GPC6: variants seen among roughly 807,000 people sequenced by gnomAD.
GPC6 encodes the protein glypican 6.
Under a neutral mutation model 55.2 loss-of-function variants are expected in GPC6, and 14 were observed. That is an observed-to-expected ratio of 0.25 (90% CI 0.17 to 0.40). The LOEUF (loss-of-function observed/expected upper bound fraction) is 0.40, where lower values mean the gene tolerates loss of function less well. Ranked by LOEUF, GPC6 falls within the 10% of genes least tolerant of loss-of-function variation. The pLI, the probability that GPC6 is intolerant of heterozygous loss-of-function variation, is 1.00. For synonymous variants in GPC6, 278 were observed against 259.6 expected, an observed-to-expected ratio of 1.07 and a Z score of -0.68; for missense variants, 641 against 708.5, an observed-to-expected ratio of 0.90 and a Z score of 1.08.
chr13:93,583,583 A>T (rs1416663256), intron 2 of GPC6, among the ~76,000 whole-genome samples: 2 of 151,920 alleles, frequency 1.3e-5, no homozygotes, highest in Non-Finnish European at 2.9e-5. Flanking sequence ...CACCCAGCTG[A>T]TTTTTATATT....
chr13:94,328,527 G>T lies in GPC6; in HGVS notation c.1152+22404G>T, dbSNP rs140349949. Among the ~76,000 whole-genome samples the T allele has an allele frequency of 3.3e-3, 506 of 152,288 alleles. 10 individuals carry two copies. Among genetic ancestry groups the T allele is most frequent in the Admixed American group, 0.03 (463 of 15,296 alleles). ...CTGTTCTGTCGCTGTCCTGTCGTTG[G>T]TCTCACTCATGGCAGCTGCCGTCTG... On this transcript the variant is annotated intron_variant, in intron 6 of 8. Coordinates refer to ENST00000377047, the MANE Select transcript of GPC6 (RefSeq NM_005708.5).
At chr13:93,980,939 C>T (rs1880776012) in intron 3 of GPC6, among the ~76,000 whole-genome samples, 1 of 152,122 alleles carries the variant, frequency 6.6e-6, no homozygotes, top group African/African-American at 2.4e-5. Context: ...CAAGAATCCC[C>T]ATCTCAGAGC....
At chr13:93,934,669 A>G (rs945893664) in intron 3 of GPC6, among the ~76,000 whole-genome samples, 4 of 151,118 alleles carry the variant, frequency 2.6e-5, no homozygotes, top group African/African-American at 9.9e-5. Flanking sequence ...AATTTCCATC[A>G]TCTGAATGTT....
chr13:94,011,289 TA>T (rs1882235692), intron 3 of GPC6, among the ~76,000 whole-genome samples: 1 of 152,164 alleles, frequency 6.6e-6, no homozygotes, highest in Non-Finnish European at 1.5e-5. Context: ...AATTTACAAA[TA>T]AAACTGGTGT....
chr13:94,167,342 C>T (rs1053690863), intron 4 of GPC6, among the ~76,000 whole-genome samples: 1 of 152,130 alleles, frequency 6.6e-6, no homozygotes, highest in Admixed American at 6.6e-5. Flanking sequence ...GTTAAGGTCC[C>T]TCTGAATGAA....
chr13:94,186,906 G>C (rs778583466), intron 4 of GPC6: 2 of 152,192 alleles, frequency 1.3e-5, no homozygotes, highest in African/African-American at 2.4e-5. Context: ...TGGAACTTAC[G>C]AAGGTTCGAT....
chr13:93,827,508 A>G (rs1479311268), intron 2 of GPC6, among the ~76,000 whole-genome samples: 1 of 152,192 alleles, frequency 6.6e-6, no homozygotes, highest in East Asian at 1.9e-4. Context: ...GCCTTGAGGT[A>G]GCAACATTTG....
At chr13:94,129,970 T>C (rs932169076) in intron 4 of GPC6, among the ~76,000 whole-genome samples, 4 of 152,176 alleles carry the variant, frequency 2.6e-5, no homozygotes, top group African/African-American at 4.8e-5. Flanking sequence ...ATTCATACCA[T>C]TTTGCAGATT....
chr13:93,397,158 G>T (rs1349873210), intron 1 of GPC6, among the ~76,000 whole-genome samples: 1 of 152,028 alleles, frequency 6.6e-6, no homozygotes, highest in Admixed American at 6.6e-5. Flanking sequence ...TTATTTTAAG[G>T]ATTTTGAGTT....
intron 1 of GPC6, among the ~76,000 whole-genome samples, chr13:93,382,144 G>A (rs988897093): frequency 1.2e-4 from 19 of 152,104 alleles, no homozygotes; most frequent in African/African-American, 4.6e-4. Context: ...TGATATTTTT[G>A]ACTAATTCCT....
intron 2 of GPC6, among the ~76,000 whole-genome samples, chr13:93,703,163 C>T (rs1029478747): frequency 4.0e-5 from 6 of 151,612 alleles, no homozygotes; most frequent in Non-Finnish European, 8.8e-5. Flanking sequence ...TATTAATTGG[C>T]CTAATTTTAA....
chr13:93,488,414 G>C (rs1044813390), intron 1 of GPC6, among the ~76,000 whole-genome samples: 1 of 152,178 alleles, frequency 6.6e-6, no homozygotes, highest in East Asian at 1.9e-4. Flanking sequence ...ATTGTGAATA[G>C]TGCTGCAATA....
chr13:94,371,644 C>A (rs777266433), intron 6 of GPC6, among the ~76,000 whole-genome samples: 14 of 152,194 alleles, frequency 9.2e-5, no homozygotes, highest in Non-Finnish European at 1.9e-4. Context: ...CTGCCCTCTG[C>A]TGAACCCAGC....
At chr13:94,396,016 C>G (rs142753652) in intron 7 of GPC6, among the ~76,000 whole-genome samples, 51 of 152,190 alleles carry the variant, frequency 3.4e-4, no homozygotes, top group African/African-American at 1.2e-3. Context: ...CATCCTGCCC[C>G]GGTCCCCTCC....
chr13:94,160,788 C>A lies in GPC6; in HGVS notation c.878-125561C>A, dbSNP rs148479493. ...ATATATGGGACTCAAAATAACTAACCTAGAAGCAAAACAAATTTGTCAATT... is the reference window on the plus strand; with the variant it reads ...ATATATGGGACTCAAAATAACTAACATAGAAGCAAAACAAATTTGTCAATT... On this transcript the variant is annotated intron_variant, in intron 4 of 8. Transcript: ENST00000377047. 8.5e-4 allele frequency among the ~76,000 whole-genome samples: 129 copies of A among 152,252 alleles called. 1 individual carries two copies. In the East Asian group the frequency reaches 0.016, roughly 19 times the overall value.
chr13:93,908,662 C>T (rs1876800887), intron 3 of GPC6, among the ~76,000 whole-genome samples: 1 of 152,176 alleles, frequency 6.6e-6, no homozygotes, highest in Non-Finnish European at 1.5e-5. Flanking sequence ...ACTTACCTAA[C>T]TCATTTTCCT....
chr13:93,376,768 C>T (rs1469204909), intron 1 of GPC6, among the ~76,000 whole-genome samples: 1 of 135,450 alleles, frequency 7.4e-6, no homozygotes, highest in African/African-American at 2.7e-5. Flanking sequence ...TTTACATATT[C>T]TTGCTCACTT....
chr13:94,279,252 A>T (rs1399243162), intron 4 of GPC6, among the ~76,000 whole-genome samples: 1 of 151,530 alleles, frequency 6.6e-6, no homozygotes, highest in African/African-American at 2.4e-5. Context: ...CTCTGATGGT[A>T]GTTTGTATTT....
chr13:93,360,933 A>G (rs1308168704), intron 1 of GPC6, among the ~76,000 whole-genome samples: 2 of 152,058 alleles, frequency 1.3e-5, no homozygotes, highest in Non-Finnish European at 1.5e-5. Flanking sequence ...CTTGAGTTCT[A>G]GGGTATGGGC....
Sources: gnomAD v4.1 joint callset for allele counts (sites outside exome capture counted in the v4.1 genomes callset) on GRCh38, gnomAD v4.1.1 for gene constraint, MANE v1.5 for transcripts, NCBI Gene and HGNC (gene_info 2026-07-23, HGNC 2026-07-21) for gene names.